Variants in C17orf99 observed in about 807,000 individuals in gnomAD.
C17orf99 encodes protein IL-40.
Under a neutral mutation model 22.6 loss-of-function variants are expected in C17orf99, and 18 were observed. That is an observed-to-expected ratio of 0.80 (90% confidence interval 0.55 to 1.18). The LOEUF (loss-of-function observed/expected upper bound fraction) is 1.18. Among genes scored for constraint, C17orf99 ranks in the 50% most tolerant of loss-of-function variants. The pLI is 0.00. For synonymous variants in C17orf99, 147 were observed against 136.6 expected (o/e 1.08, Z -0.53); for missense variants, 328 against 342.7 (o/e 0.96, Z 0.34).
chr17:78,146,427 T>A lies in C17orf99; in HGVS notation c.20T>A (p.Phe7Tyr). MGLPGL[F>Y]CLAVLAASSF... ...CGAGGCATGGGGCTCCCTGGGCTGT[T>A]CTGCTTGGCCGTGCTGGGTGAGTCC... The change falls in exon 1 of 5, where the codon TTC becomes TAC. Residue 7 changes from phenylalanine to tyrosine, a missense_variant. By Grantham distance (22) the Phe-to-Tyr change is conservative. Transcript: ENST00000340363. This position sits in a 1 kb window ranked among gnomAD's most constrained non-coding sequence, Gnocchi z 5.2. The A allele has an allele frequency of 6.5e-7, 1 of 1,550,366 alleles. No homozygotes were observed. The highest frequency in any genetic ancestry group is 8.7e-7 in the Non-Finnish European group (1 of 1,146,858).
chr17:78,145,890 G>T (rs1392314501), upstream of C17orf99, among the ~76,000 whole-genome samples: 1 of 151,576 alleles, frequency 6.6e-6, no homozygotes, highest in Non-Finnish European at 1.5e-5. Flanking sequence ...CCGCCTCCTG[G>T]GTTCAAGCAA....
Position 78,149,331 on chromosome 17 carries a change from CAAAAAAAAAAA to C in C17orf99, c.70+2440_70+2450del, listed in dbSNP as rs35155993. On this transcript the variant is annotated intron_variant, in intron 2 of 4. Transcript: ENST00000340363. ...TGGGCAACAGAGAGAGACTCTGCCTCAAAAAAAAAAAAAAAAAAAAAAAAAAAAAAGGCGCC... is the reference window on the plus strand; with the variant it reads ...TGGGCAACAGAGAGAGACTCTGCCTCAAAAAAAAAAAAAAAAAAAGGCGCC... 2.8e-3 allele frequency among the ~76,000 whole-genome samples: 115 copies of C among 41,018 alleles called. No homozygotes were observed. In the East Asian group the frequency reaches 0.032, roughly 12 times the overall value. The allele number at this position is 41,018 out of a possible 152,430, so 26.9% of individuals were successfully genotyped here. A position where few individuals can be genotyped will look rare whatever the true frequency, so the allele number is the denominator to read the frequency against.
At chr17:78,153,202 C>G (rs561558614) in intron 2 of C17orf99, among the ~76,000 whole-genome samples, 155 of 151,936 alleles carry the variant, frequency 1.0e-3, no homozygotes, top group Non-Finnish European at 6.0e-4. Flanking sequence ...AGTGAGTGTG[C>G]GGCCGGGGAC....
chr17:78,157,762 A>T, intron 2 of C17orf99: 1 of 540,630 alleles, frequency 1.8e-6, no homozygotes, highest in Non-Finnish European at 3.0e-6. Flanking sequence ...GTGCCACTGC[A>T]CTCCAGCCTG....
At chr17:78,153,249 C>T (rs909695254) in intron 2 of C17orf99, among the ~76,000 whole-genome samples, 2 of 151,622 alleles carry the variant, frequency 1.3e-5, no homozygotes, top group African/African-American at 4.8e-5. Context: ...TCTGGGAGGC[C>T]GACGGGGGTG....
chr17:78,153,011 G>A (rs1175782642), intron 2 of C17orf99, among the ~76,000 whole-genome samples: 1 of 151,878 alleles, frequency 6.6e-6, no homozygotes, highest in Non-Finnish European at 1.5e-5. Flanking sequence ...AAACAGGGAG[G>A]CAGAGGTTGC....
At chr17:78,155,135 T>G (rs5008680) in intron 2 of C17orf99, among the ~76,000 whole-genome samples, 17,151 of 150,786 alleles carry the variant, frequency 0.11, 1,188 homozygotes, top group Middle Eastern at 0.28. Flanking sequence ...TTTTTTTTTT[T>G]TTTTTTTTGT....
At position 78,146,928 on chromosome 17, in the gene C17orf99, G is replaced by A. The variant is rs7217374; in HGVS notation, c.70+17G>A. Reference sequence around the variant, plus strand: ...GGGAGGAAGGTAAGTGGCATAGCCTGCTGCAGGGAGAAGTCCCCCAGCTGG... The same window carrying A: ...GGGAGGAAGGTAAGTGGCATAGCCTACTGCAGGGAGAAGTCCCCCAGCTGG... On this transcript the variant is annotated intron_variant, in intron 2 of 4. Coordinates refer to ENST00000340363, the MANE Select transcript of C17orf99 (RefSeq NM_001163075.2). The surrounding 1 kb of genome is among the most constrained non-coding windows in gnomAD (Gnocchi z 5.2). The A allele has an allele frequency of 0.45, 697,991 of 1,548,598 alleles. 161,476 individuals carry two copies. Among genetic ancestry groups the A allele is most frequent in the Middle Eastern group, 0.6 (3,588 of 5,976 alleles).
rs2075614273 is a variant in C17orf99 at position 78,165,976 on chromosome 17, G to A, written c.728G>A (p.Ser243Asn). ...LPLYRSTRRL[S>N]EEEFGGFRIG... ...CTCTACAGGAGCACCCGCCGTCTGA[G>A]TGAAGAGGAGTTTGGGGGGTTCAGG... The change falls in exon 5 of 5, where the codon AGT (serine) becomes AAT (asparagine). Residue 243 changes from serine to asparagine, a missense_variant. Coordinates refer to ENST00000340363, the MANE Select transcript of C17orf99 (RefSeq NM_001163075.2). The A allele has an allele frequency of 1.3e-6, 2 of 1,502,540 alleles. No individual in the cohort carries two copies. The highest frequency in any genetic ancestry group is 9.0e-7 in the Non-Finnish European group (1 of 1,116,508). 93.1% of individuals were successfully genotyped at this position (1,502,540 alleles called of 1,614,324 possible).
chr17:78,164,492 C>T, intron 4 of C17orf99, 128 bp downstream of exon 4: 1 of 1,541,134 alleles, frequency 6.5e-7, no homozygotes, highest in Non-Finnish European at 8.7e-7. Context: ...GCAGAGAGGG[C>T]ACAGGAGGCA....
chr17:78,166,038 G>A lies in C17orf99; in HGVS notation c.790G>A (p.Ala264Thr). 7.4e-7 allele frequency: 1 copy of A among 1,358,846 alleles called. No individual in the cohort carries two copies. Among genetic ancestry groups the A allele is most frequent in the Non-Finnish European group, 9.8e-7 (1 of 1,021,428 alleles). The allele number at this position is 1,358,846 out of a possible 1,614,324, so 84.2% of individuals were successfully genotyped here. The stretch of plus-strand genomic sequence containing the variant: ...GGAGGTCAGAGGACGCAAAGCAGCA[G>A]CCATGTAGAATGAACCGTCCAGAGA... Reference protein sequence around the residue: ...NGEVRGRKAAAM With the variant: ...NGEVRGRKAATM Residue 264 changes from alanine to threonine, a missense_variant, in exon 5 of 5, where the codon GCC becomes ACC. Physicochemically the swap from Ala to Thr is moderately conservative, Grantham distance 58 (BLOSUM62 0). Coordinates refer to ENST00000340363, the MANE Select transcript of C17orf99 (RefSeq NM_001163075.2).
At chr17:78,146,056 G>C (rs1178248535), upstream of C17orf99, among the ~76,000 whole-genome samples, 2 of 152,128 alleles carry the variant, frequency 1.3e-5, no homozygotes, top group African/African-American at 4.8e-5. The surrounding 1 kb of genome is among the most constrained non-coding windows in gnomAD (Gnocchi z 5.2). Flanking sequence ...CCAAAGTGCT[G>C]GGATTACAGG....
intron 2 of C17orf99, chr17:78,158,826 C>A: frequency 6.1e-6 from 1 of 164,384 alleles, no homozygotes. Context: ...TTAATTCAAT[C>A]TGGAATCAGA....
intron 2 of C17orf99, chr17:78,158,027 C>G (rs1263063589): frequency 7.3e-7 from 1 of 1,367,206 alleles, no homozygotes; most frequent in East Asian, 2.6e-5. Flanking sequence ...GATTGGCATC[C>G]AGGATGGGCA....
Position 78,146,510 on chromosome 17 carries a change from G to T in C17orf99, c.37+66G>T. The T allele has an allele frequency of 1.5e-5, 21 of 1,435,508 alleles. No homozygotes were observed. Among genetic ancestry groups the T allele is most frequent in the Non-Finnish European group, 1.9e-5 (20 of 1,047,078 alleles). The allele number at this position is 1,435,508 out of a possible 1,614,324, so 88.9% of individuals were successfully genotyped here. ...GCCTTGAGGTCTTGGGCTCAGGTGGGGGTACTGGGAGCACAGGAGAGATGA... is the reference window on the plus strand; with the variant it reads ...GCCTTGAGGTCTTGGGCTCAGGTGGTGGTACTGGGAGCACAGGAGAGATGA... On this transcript the variant is annotated intron_variant, in intron 1 of 4. Transcript: ENST00000340363. This position sits in a 1 kb window ranked among gnomAD's most constrained non-coding sequence, Gnocchi z 5.2.
chr17:78,155,997 T>C (rs1567819032), intron 2 of C17orf99, among the ~76,000 whole-genome samples: 1 of 151,818 alleles, frequency 6.6e-6, no homozygotes. Flanking sequence ...AAACCCCTAT[T>C]CCAGAAACAT....
Position 78,166,098 on chromosome 17 carries a change from T to C in C17orf99, c.*52T>C. The C allele has an allele frequency of 1.8e-6, 1 of 541,304 alleles. No homozygotes were observed. Among genetic ancestry groups the C allele is most frequent in the African/African-American group, 2.1e-5 (1 of 48,038 alleles). 33.5% of individuals were successfully genotyped at this position (541,304 alleles called of 1,614,324 possible). A position where few individuals can be genotyped will look rare whatever the true frequency, so the allele number is the denominator to read the frequency against. ...GGCAGAGGACTGCAGGCCATCAGCG[T>C]GCACTGTTCGTATTTGGAGTTCATG... On this transcript the variant is annotated 3_prime_UTR_variant, in exon 5 of 5. Transcript: ENST00000340363.
rs892838300 is a variant in C17orf99 at position 78,161,011 on chromosome 17, C to T, written c.127C>T (p.Arg43Cys). Residue 43 changes from arginine (R) to cysteine (C), a missense_variant, in exon 3 of 5, where the codon CGC becomes TGC. Arg to Cys is a radical substitution (Grantham distance 180). Coordinates refer to ENST00000340363, the MANE Select transcript of C17orf99 (RefSeq NM_001163075.2). ...YKVLEVFPKG[R>C]WVLITCCAPQ... ...AGTCCTGGAAGTTTTCCCCAAAGGC[C>T]GCTGGGTGCTCATAACCTGCTGTGC... The T allele has an allele frequency of 3.0e-5, 47 of 1,551,496 alleles. No individual in the cohort carries two copies. The highest frequency in any genetic ancestry group is 2.4e-4 in the Admixed American group (12 of 50,956).
intron 2 of C17orf99, among the ~76,000 whole-genome samples, chr17:78,149,469 A>G (rs1398759803): frequency 2.0e-5 from 3 of 152,018 alleles, no homozygotes; most frequent in East Asian, 3.9e-4. Flanking sequence ...AGCTGGGTAC[A>G]CGTGAAGGAC....
Sources: allele counts gnomAD v4.1 joint callset (sites outside exome capture counted in the v4.1 genomes callset), GRCh38; gene constraint gnomAD v4.1.1; non-coding constraint Gnocchi (gnomAD v3.1); transcripts MANE v1.5; gene names NCBI Gene and HGNC (gene_info 2026-07-23, HGNC 2026-07-21).